RIC1: variants seen among roughly 807,000 people sequenced by gnomAD.
The protein encoded by RIC1 is guanine nucleotide exchange factor subunit RIC1.
Under a neutral mutation model 169.0 loss-of-function variants are expected in RIC1, and 88 were observed. That is an observed-to-expected ratio of 0.52 (90% CI 0.44 to 0.62). The LOEUF is 0.62. Ranked by LOEUF, RIC1 falls within the 20% of genes least tolerant of loss-of-function variation. RIC1 has a pLI of 0.00. For missense variants in RIC1, 1,877 were observed against 1,725.5 expected, an observed-to-expected ratio of 1.09 and a Z score of -1.56; for synonymous variants, 790 against 601.5, an observed-to-expected ratio of 1.31 and a Z score of -4.59.
chr9:5,643,639 G>A (rs540978799), intron 1 of RIC1, among the ~76,000 whole-genome samples: 17 of 152,004 alleles, frequency 1.1e-4, no homozygotes, highest in Admixed American at 2.6e-4. Flanking sequence ...CTCTCCTTAC[G>A]TAAATAAAAA....
In RIC1 at chr9:5,769,357, C is replaced by G. The variant is rs1303380859; in HGVS notation, c.3424+101C>G. On this transcript the variant is annotated intron_variant, in intron 22 of 25. Coordinates refer to ENST00000414202, the MANE Select transcript of RIC1 (RefSeq NM_020829.4). ...TGATATTCAAGGAATTATTTTCATTCCAAACTTAGGAATGGATAAAAGCCA... is the reference window on the plus strand; with the variant it reads ...TGATATTCAAGGAATTATTTTCATTGCAAACTTAGGAATGGATAAAAGCCA... 1.2e-5 allele frequency: 19 copies of G among 1,611,578 alleles called. No individual in the cohort carries two copies. In the Middle Eastern group the frequency reaches 5.0e-4, roughly 42 times the overall value.
chr9:5,658,198 A>C (rs1205926153), intron 2 of RIC1, among the ~76,000 whole-genome samples: 1 of 152,122 alleles, frequency 6.6e-6, no homozygotes, highest in South Asian at 2.1e-4. Context: ...TTTAAAGCAC[A>C]CTGTAGTGTG....
intron 8 of RIC1, among the ~76,000 whole-genome samples, chr9:5,740,486 T>A (rs1161392965): frequency 1.3e-5 from 2 of 149,972 alleles, no homozygotes; most frequent in South Asian, 2.1e-4. Context: ...TAAAGGGGAG[T>A]TTATTAAGTA....
At chr9:5,647,222 A>G (rs1563866469) in intron 1 of RIC1, among the ~76,000 whole-genome samples, 1 of 152,202 alleles carries the variant, frequency 6.6e-6, no homozygotes. Context: ...GTAGTCTTCT[A>G]GTAAGTTTTG....
At chr9:5,633,851 T>G (rs1817841861) in intron 1 of RIC1, among the ~76,000 whole-genome samples, 1 of 152,200 alleles carries the variant, frequency 6.6e-6, no homozygotes, top group Non-Finnish European at 1.5e-5. Context: ...CCAGAACGTA[T>G]TCATCTTATA....
At chr9:5,677,123 C>A (rs1820498149) in intron 2 of RIC1, among the ~76,000 whole-genome samples, 2 of 152,134 alleles carry the variant, frequency 1.3e-5, no homozygotes, top group African/African-American at 2.4e-5. Flanking sequence ...AGTAGTTATA[C>A]CATTTTACAT....
intron 23 of RIC1, among the ~76,000 whole-genome samples, chr9:5,771,854 ATGTT>A (rs1827244653): frequency 6.6e-6 from 1 of 152,130 alleles, no homozygotes; most frequent in Non-Finnish European, 1.5e-5. Flanking sequence ...ATGGCCACAT[ATGTT>A]TGTTGTACCT....
Position 5,772,719 on chromosome 9 carries a change from C to G in RIC1, c.3772C>G (p.His1258Asp). Reference sequence around the variant, plus strand: ...CATGGAGTTGGCCAGTAAAGGGCCTCATAAATCCCAGGTCCAGCTTCGGTG... The same window carrying G: ...CATGGAGTTGGCCAGTAAAGGGCCTGATAAATCCCAGGTCCAGCTTCGGTG... ...ISMELASKGPHKSQVQLRYLL... is the reference protein window; with the variant it reads ...ISMELASKGPDKSQVQLRYLL... The change falls in exon 24 of 26, where the codon CAT (histidine) becomes GAT (aspartate). Residue 1258 changes from histidine (H) to aspartate (D), a missense_variant. His to Asp is a moderately conservative substitution (Grantham distance 81, BLOSUM62 -1). Around this residue, in one of 3 missense-constraint regions of RIC1, gnomAD observed 681 missense variants for 582.0 expected, o/e 1.17. Coordinates refer to ENST00000414202, the MANE Select transcript of RIC1 (RefSeq NM_020829.4). The G allele has an allele frequency of 6.2e-7, 1 of 1,608,096 alleles. No individual in the cohort carries two copies. Among genetic ancestry groups the G allele is most frequent in the Non-Finnish European group, 8.5e-7 (1 of 1,178,230 alleles).
Position 5,685,160 on chromosome 9 carries a change from A to T in RIC1, c.253-4799A>T, listed in dbSNP as rs565463406. The stretch of plus-strand genomic sequence containing the variant: ...ACAAATGGAAGAACATTCCATGCTC[A>T]TGGGTAGGAAGAATCAATATCGTGA... On this transcript the variant is annotated intron_variant, in intron 2 of 25. Coordinates refer to ENST00000414202, the MANE Select transcript of RIC1 (RefSeq NM_020829.4). Among the ~76,000 whole-genome samples, 10 of 151,518 alleles carry T rather than the reference A, an allele frequency of 6.6e-5. No homozygotes were observed. In the East Asian group the frequency reaches 1.2e-3, roughly 18 times the overall value.
At chr9:5,661,089 G>A (rs1262337279) in intron 2 of RIC1, among the ~76,000 whole-genome samples, 2 of 152,108 alleles carry the variant, frequency 1.3e-5, no homozygotes, top group African/African-American at 4.8e-5. Flanking sequence ...ATATTACATG[G>A]GGAATCCTTT....
chr9:5,694,302 ATG>A (rs919919544), intron 3 of RIC1, among the ~76,000 whole-genome samples: 52 of 152,236 alleles, frequency 3.4e-4, no homozygotes, highest in African/African-American at 1.3e-3. Flanking sequence ...CCCTCAATAT[ATG>A]TTTCTTTTTG....
At chr9:5,665,824 CAG>C (rs1383794079) in intron 2 of RIC1, among the ~76,000 whole-genome samples, 3 of 152,158 alleles carry the variant, frequency 2.0e-5, no homozygotes, top group African/African-American at 7.2e-5. Context: ...AGCTCCTTCA[CAG>C]GGGGGTACTG....
chr9:5,697,036 G>A (rs1821944267), intron 3 of RIC1, among the ~76,000 whole-genome samples: 1 of 152,172 alleles, frequency 6.6e-6, no homozygotes, highest in East Asian at 1.9e-4. Flanking sequence ...TATATGAACT[G>A]GGTAGCCAAA....
chr9:5,764,408 A>G (rs1364354035), intron 19 of RIC1, among the ~76,000 whole-genome samples: 1 of 152,222 alleles, frequency 6.6e-6, no homozygotes, highest in East Asian at 1.9e-4. Flanking sequence ...CTCATAGCAC[A>G]CAGTTTTTCT....
At chr9:5,637,908 G>A (rs1340033295) in intron 1 of RIC1, among the ~76,000 whole-genome samples, 2 of 152,134 alleles carry the variant, frequency 1.3e-5, no homozygotes, top group Non-Finnish European at 2.9e-5. Flanking sequence ...GTGAAGGTGG[G>A]CATCTTTGTC....
At chr9:5,730,391 A>C (rs1824293301) in intron 6 of RIC1, among the ~76,000 whole-genome samples, 1 of 152,246 alleles carries the variant, frequency 6.6e-6, no homozygotes, top group Non-Finnish European at 1.5e-5. Context: ...ACATGAACAA[A>C]TTAGGCTATA....
chr9:5,682,777 C>G (rs960675440), intron 2 of RIC1, among the ~76,000 whole-genome samples: 1 of 152,134 alleles, frequency 6.6e-6, no homozygotes, highest in Non-Finnish European at 1.5e-5. Flanking sequence ...TCCATTCTCC[C>G]CGTCACTTTC....
chr9:5,686,305 C>G (rs1047366191), intron 2 of RIC1, among the ~76,000 whole-genome samples: 2 of 152,024 alleles, frequency 1.3e-5, no homozygotes, highest in African/African-American at 4.8e-5. Flanking sequence ...ATAAATCATG[C>G]CGCTATAAAG....
At chr9:5,734,836 A>G (rs1432264887) in intron 7 of RIC1, among the ~76,000 whole-genome samples, 1 of 152,324 alleles carries the variant, frequency 6.6e-6, no homozygotes, top group East Asian at 1.9e-4. Context: ...TGAATATAGC[A>G]TAATTTATCC....
Sources: gnomAD v4.1 joint callset for allele counts (sites outside exome capture counted in the v4.1 genomes callset) on GRCh38, gnomAD v4.1.1 for gene constraint, gnomAD v4.1.1 regional missense constraint, MANE v1.5 for transcripts, NCBI Gene and HGNC (gene_info 2026-07-23, HGNC 2026-07-21) for gene names.